CNTN5: variants seen among roughly 807,000 people sequenced by gnomAD.
CNTN5 encodes contactin 5, also known as contactin-5.
CNTN5 carries 77 observed loss-of-function variants against 129.1 expected under a neutral mutation model. That is an observed-to-expected ratio of 0.60 (90% confidence interval 0.50 to 0.72). CNTN5 has a LOEUF of 0.72. CNTN5 is among the 30% of genes least tolerant of loss of function. The pLI is 0.00. For synonymous variants in CNTN5, 509 were observed against 465.6 expected, an observed-to-expected ratio of 1.09 and a Z score of -1.20; for missense variants, 1,478 against 1,328.8, an observed-to-expected ratio of 1.11 and a Z score of -1.75.
chr11:99,505,126 A>G (rs941645891), intron 2 of CNTN5, among the ~76,000 whole-genome samples: 4 of 151,976 alleles, frequency 2.6e-5, no homozygotes, highest in African/African-American at 9.7e-5. Context: ...CTCTCAGCAT[A>G]CCTCCCATTT....
At chr11:99,870,104 G>A (rs950675949) in intron 6 of CNTN5, among the ~76,000 whole-genome samples, 1 of 152,060 alleles carries the variant, frequency 6.6e-6, no homozygotes, top group African/African-American at 2.4e-5. Flanking sequence ...TTGTGATTGA[G>A]GATATATGCT....
At chr11:100,170,535 C>A (rs990946721) in intron 13 of CNTN5, among the ~76,000 whole-genome samples, 9 of 151,974 alleles carry the variant, frequency 5.9e-5, no homozygotes, top group African/African-American at 9.7e-5. Context: ...ACTTAAAATT[C>A]TTTTTGTACT....
At chr11:99,492,249 G>T (rs1174904127) in intron 2 of CNTN5, among the ~76,000 whole-genome samples, 1 of 152,140 alleles carries the variant, frequency 6.6e-6, no homozygotes, top group African/African-American at 2.4e-5. Context: ...TCCTCTGTAA[G>T]TTGATGCTCT....
intron 2 of CNTN5, among the ~76,000 whole-genome samples, chr11:99,378,389 CA>C (rs1940318464): frequency 6.6e-6 from 1 of 152,064 alleles, no homozygotes; most frequent in African/African-American, 2.4e-5. Flanking sequence ...TCATAACTGT[CA>C]AACTCTGCAT....
At chr11:99,578,503 T>C (rs978680580) in intron 3 of CNTN5, among the ~76,000 whole-genome samples, 1 of 150,816 alleles carries the variant, frequency 6.6e-6, no homozygotes, top group Non-Finnish European at 1.5e-5. Flanking sequence ...GTTTCCTGAC[T>C]TTTTAATGAT....
At chr11:99,578,542 C>G (rs1380425148) in intron 3 of CNTN5, among the ~76,000 whole-genome samples, 1 of 151,012 alleles carries the variant, frequency 6.6e-6, no homozygotes, top group African/African-American at 2.4e-5. Flanking sequence ...CAGATGGTAT[C>G]TCACTGTGGT....
chr11:99,666,036 C>G (rs1952778981), intron 3 of CNTN5, among the ~76,000 whole-genome samples: 1 of 151,948 alleles, frequency 6.6e-6, no homozygotes, highest in Admixed American at 6.6e-5. Flanking sequence ...GTGATCTTGG[C>G]TCACTGCAAT....
intron 2 of CNTN5, among the ~76,000 whole-genome samples, chr11:99,427,171 A>G (rs912276439): frequency 6.6e-6 from 1 of 152,236 alleles, no homozygotes; most frequent in African/African-American, 2.4e-5. Context: ...ATTTAATCAG[A>G]CATAGGAAAA....
chr11:99,154,472 G>T (rs1467059615), intron 1 of CNTN5, among the ~76,000 whole-genome samples: 2 of 152,188 alleles, frequency 1.3e-5, no homozygotes, highest in Admixed American at 6.5e-5. Flanking sequence ...AGCATCTGAG[G>T]TGATGGGTGG....
intron 3 of CNTN5, among the ~76,000 whole-genome samples, chr11:99,753,106 T>G (rs552724312): frequency 4.7e-5 from 7 of 147,784 alleles, no homozygotes; most frequent in Non-Finnish European, 1.0e-4. Flanking sequence ...TATAACATTT[T>G]AAGCCATATT....
chr11:100,238,687 G>C (rs1949676677), intron 16 of CNTN5, among the ~76,000 whole-genome samples: 1 of 152,166 alleles, frequency 6.6e-6, no homozygotes, highest in Non-Finnish European at 1.5e-5. Flanking sequence ...GTAACTGGTA[G>C]ATATTGTTGA....
chr11:99,338,753 ATTTAT>A (rs1337972887), intron 2 of CNTN5, among the ~76,000 whole-genome samples: 3 of 151,520 alleles, frequency 2.0e-5, no homozygotes. Flanking sequence ...GTATATGCTC[ATTTAT>A]TTTATTTGCT....
chr11:99,639,229 A>T (rs74809518), intron 3 of CNTN5, among the ~76,000 whole-genome samples: 1,618 of 152,228 alleles, frequency 0.011, 37 homozygotes, highest in African/African-American at 0.036. Flanking sequence ...AGTGGCTGGG[A>T]CACAGAGCAC....
chr11:100,320,107 A>G (rs549140815), intron 21 of CNTN5, among the ~76,000 whole-genome samples: 3 of 152,290 alleles, frequency 2.0e-5, no homozygotes, highest in African/African-American at 7.2e-5. Context: ...TAGTAGTTCC[A>G]TTTTTAATTT....
At chr11:99,396,876 T>C (rs769869716) in intron 2 of CNTN5, among the ~76,000 whole-genome samples, 9 of 151,744 alleles carry the variant, frequency 5.9e-5, no homozygotes, top group Non-Finnish European at 1.0e-4. Context: ...AAAACAAGTA[T>C]CTAGTGCATA....
intron 2 of CNTN5, among the ~76,000 whole-genome samples, chr11:99,515,637 T>C (rs917303169): frequency 8.6e-5 from 13 of 151,952 alleles, no homozygotes; most frequent in African/African-American, 3.1e-4. Context: ...GCCTTAATTG[T>C]CCCCTCAATT....
At chr11:99,678,268 A>C (rs1453020035) in intron 3 of CNTN5, among the ~76,000 whole-genome samples, 2 of 152,166 alleles carry the variant, frequency 1.3e-5, no homozygotes, top group Non-Finnish European at 2.9e-5. Context: ...TTTTTATAAA[A>C]GAAAAGAGAA....
At chr11:99,297,829 C>T (rs909445770) in intron 1 of CNTN5, among the ~76,000 whole-genome samples, 5 of 152,066 alleles carry the variant, frequency 3.3e-5, no homozygotes, top group African/African-American at 1.2e-4. Context: ...ATTTTATAAC[C>T]CCTGCAATAT....
At chr11:99,147,573 A>C (rs1343387007) in intron 1 of CNTN5, among the ~76,000 whole-genome samples, 2 of 152,174 alleles carry the variant, frequency 1.3e-5, no homozygotes, top group Non-Finnish European at 2.9e-5. Flanking sequence ...TATCACAAGA[A>C]ATTATGAATA....
Sources: allele counts gnomAD v4.1 joint callset (sites outside exome capture counted in the v4.1 genomes callset), GRCh38; gene constraint gnomAD v4.1.1; transcripts MANE v1.5; gene names NCBI Gene and HGNC (gene_info 2026-07-23, HGNC 2026-07-21).